The following KCNIP4 variants were observed in gnomAD, a reference collection of about 807,000 sequenced individuals.
The protein encoded by KCNIP4 is potassium voltage-gated channel interacting protein 4.
KCNIP4 carries 12 observed loss-of-function variants against 34.0 expected under a neutral mutation model. The observed-to-expected ratio is 0.35, with a 90% CI of 0.23 to 0.57. The LOEUF is 0.57. Among genes scored for constraint, KCNIP4 ranks in the 20% least tolerant of loss-of-function variants. The pLI is 0.83. For missense variants in KCNIP4, 238 were observed against 311.7 expected (o/e 0.76, Z 1.78); for synonymous variants, 124 against 102.2 (o/e 1.21, Z -1.29).
chr4:21,279,271 C>A (rs1178425340), intron 1 of KCNIP4, among the ~76,000 whole-genome samples: 2 of 152,100 alleles, frequency 1.3e-5, no homozygotes, highest in Non-Finnish European at 2.9e-5. Context: ...TAGGGTGGCA[C>A]AAGTTGCTGC....
At chr4:20,906,894 A>C (rs1727826627) in intron 1 of KCNIP4, among the ~76,000 whole-genome samples, 1 of 152,232 alleles carries the variant, frequency 6.6e-6, no homozygotes, top group Non-Finnish European at 1.5e-5. Context: ...TTCAATAGAG[A>C]CAGAGAAAGG....
At chr4:21,681,821 C>T (rs1320532809) in intron 1 of KCNIP4, among the ~76,000 whole-genome samples, 3 of 152,054 alleles carry the variant, frequency 2.0e-5, no homozygotes, top group Non-Finnish European at 4.4e-5. Flanking sequence ...GGAGCAGACA[C>T]ATGACAGAGC....
chr4:21,297,210 C>T (rs965488433), intron 1 of KCNIP4, among the ~76,000 whole-genome samples: 3 of 151,786 alleles, frequency 2.0e-5, no homozygotes, highest in African/African-American at 7.3e-5. Context: ...CAATCAGTGA[C>T]ATATATATTT....
chr4:21,860,780 T>C (rs549329303), intron 1 of KCNIP4, among the ~76,000 whole-genome samples: 3 of 152,346 alleles, frequency 2.0e-5, no homozygotes, highest in South Asian at 2.1e-4. Flanking sequence ...TGTAGTTGTA[T>C]AGATATACAC....
intron 3 of KCNIP4, among the ~76,000 whole-genome samples, chr4:20,804,844 C>G (rs908500563): frequency 6.6e-6 from 1 of 152,188 alleles, no homozygotes; most frequent in Non-Finnish European, 1.5e-5. Context: ...ATGGAAACCT[C>G]ATCTCTACCT....
chr4:21,327,822 A>T (rs1300569154), intron 1 of KCNIP4, among the ~76,000 whole-genome samples: 1 of 151,846 alleles, frequency 6.6e-6, no homozygotes, highest in Non-Finnish European at 1.5e-5. Flanking sequence ...TGCTTGATCA[A>T]TTCTGCTGTT....
chr4:21,659,884 C>T (rs969031257), intron 1 of KCNIP4, among the ~76,000 whole-genome samples: 7 of 152,150 alleles, frequency 4.6e-5, no homozygotes, highest in African/African-American at 1.7e-4. Context: ...GACTTAAATA[C>T]TTGAGGAGAG....
At chr4:21,512,847 C>T (rs1734448241) in intron 1 of KCNIP4, among the ~76,000 whole-genome samples, 2 of 152,156 alleles carry the variant, frequency 1.3e-5, no homozygotes, top group African/African-American at 4.8e-5. Flanking sequence ...TATTAATCTA[C>T]TGAAAGAATG....
intron 1 of KCNIP4, among the ~76,000 whole-genome samples, chr4:21,564,901 A>G (rs73252255): frequency 0.028 from 4,309 of 152,192 alleles, 63 homozygotes; most frequent in South Asian, 0.044. Context: ...CTCCCTCATT[A>G]CCACAAGGAC....
At chr4:21,215,583 T>C (rs528574051) in intron 1 of KCNIP4, among the ~76,000 whole-genome samples, 17 of 152,282 alleles carry the variant, frequency 1.1e-4, no homozygotes, top group African/African-American at 1.7e-4. Flanking sequence ...GGGCACATTA[T>C]ACCATTTCAC....
intron 1 of KCNIP4, among the ~76,000 whole-genome samples, chr4:20,946,611 G>A (rs1020866957): frequency 6.6e-6 from 1 of 152,180 alleles, no homozygotes; most frequent in Non-Finnish European, 1.5e-5. Context: ...TAGACTGAAA[G>A]CAGGAAAATG....
chr4:21,071,811 G>A (rs1490931119), intron 1 of KCNIP4, among the ~76,000 whole-genome samples: 1 of 151,962 alleles, frequency 6.6e-6, no homozygotes, highest in Non-Finnish European at 1.5e-5. Flanking sequence ...CCCCACAACA[G>A]TCCCCGGTGT....
chr4:21,346,430 C>T (rs924730996), intron 1 of KCNIP4, among the ~76,000 whole-genome samples: 2 of 148,074 alleles, frequency 1.4e-5, no homozygotes, highest in African/African-American at 5.0e-5. Flanking sequence ...AATGGGCCAC[C>T]CTCTAAACCT....
At chr4:21,740,554 G>A (rs1290234661) in intron 1 of KCNIP4, among the ~76,000 whole-genome samples, 1 of 151,950 alleles carries the variant, frequency 6.6e-6, no homozygotes, top group Admixed American at 6.6e-5. Context: ...ATTGTGCTGG[G>A]TGTAAATCCA....
intron 1 of KCNIP4, among the ~76,000 whole-genome samples, chr4:21,773,868 A>G (rs1247750038): frequency 1.3e-5 from 2 of 151,692 alleles, no homozygotes; most frequent in African/African-American, 2.4e-5. Flanking sequence ...AATACAGTGC[A>G]CTGATGGGTC....
At chr4:21,828,703 C>A (rs1035916567) in intron 1 of KCNIP4, among the ~76,000 whole-genome samples, 1 of 151,832 alleles carries the variant, frequency 6.6e-6, no homozygotes, top group Non-Finnish European at 1.5e-5. Flanking sequence ...ACCATGAAAT[C>A]ATGTCTCCGA....
chr4:21,657,294 C>T (rs754718975), intron 1 of KCNIP4, among the ~76,000 whole-genome samples: 2 of 152,036 alleles, frequency 1.3e-5, no homozygotes, highest in South Asian at 2.1e-4. Flanking sequence ...TAGTGTGTTG[C>T]GTCTGTTGGC....
intron 1 of KCNIP4, among the ~76,000 whole-genome samples, chr4:20,938,351 G>A (rs2149613722): frequency 6.6e-6 from 1 of 152,092 alleles, no homozygotes; most frequent in Non-Finnish European, 1.5e-5. Context: ...ATTTCATGAA[G>A]ACAAAACCAG....
At chr4:20,918,115 T>C (rs770981596) in intron 1 of KCNIP4, among the ~76,000 whole-genome samples, 1 of 152,082 alleles carries the variant, frequency 6.6e-6, no homozygotes, top group Non-Finnish European at 1.5e-5. Flanking sequence ...TCAAAACCAA[T>C]ACATTGCAGA....
Sources: allele counts gnomAD v4.1 joint callset (sites outside exome capture counted in the v4.1 genomes callset), GRCh38; gene constraint gnomAD v4.1.1; transcripts MANE v1.5; gene names NCBI Gene and HGNC (gene_info 2026-07-23, HGNC 2026-07-21).